Variants in ANO2 observed in about 807,000 individuals in gnomAD.
ANO2 encodes anoctamin 2.
A neutral mutation model predicts 124.2 loss-of-function variants in ANO2; 101 were observed. The observed-to-expected ratio is 0.81, with a 90% confidence interval of 0.69 to 0.96. The LOEUF (loss-of-function observed/expected upper bound fraction) is 0.96, where lower values mean the gene tolerates loss of function less well. Among genes scored for constraint, ANO2 ranks in the 40% least tolerant of loss-of-function variants. ANO2 has a pLI of 0.00. For missense variants in ANO2, 1,293 were observed against 1,274.5 expected, an observed-to-expected ratio of 1.01 and a Z score of -0.22; for synonymous variants, 486 against 482.5, an observed-to-expected ratio of 1.01 and a Z score of -0.09.
intron 15 of ANO2, among the ~76,000 whole-genome samples, chr12:5,642,660 C>T (rs1478056423): frequency 6.6e-6 from 1 of 152,162 alleles, no homozygotes; most frequent in Non-Finnish European, 1.5e-5. Flanking sequence ...TATGTCAGGT[C>T]ATGTCACTCC....
Position 5,635,064 on chromosome 12 carries a change from C to T in ANO2, c.1816+88G>A. 2 of 1,200,440 alleles carry T rather than the reference C, an allele frequency of 1.7e-6. No homozygotes were observed. The highest frequency in any genetic ancestry group is 2.6e-5 in the East Asian group (1 of 37,822). The allele number at this position is 1,200,440 out of a possible 1,614,324, so 74.4% of individuals were successfully genotyped here. A position where few individuals can be genotyped will look rare whatever the true frequency, so the allele number is the denominator to read the frequency against. ...ACTGTACAAAGCATCCTGTCCCTGTCCCATTTTTTTTATTTTATCACCAAA... is the reference window on the plus strand; with the variant it reads ...ACTGTACAAAGCATCCTGTCCCTGTTCCATTTTTTTTATTTTATCACCAAA... On this transcript the variant is annotated intron_variant, in intron 16 of 24. Coordinates refer to ENST00000682330, the MANE Select transcript of ANO2 (RefSeq NM_001364791.2). This position sits in a 1 kb window ranked among gnomAD's most constrained non-coding sequence, Gnocchi z 5.2.
chr12:5,938,799 T>C (rs1942764759), intron 1 of ANO2, among the ~76,000 whole-genome samples: 1 of 151,810 alleles, frequency 6.6e-6, no homozygotes. Context: ...CACTTCAGCC[T>C]GGGCGACAAG....
chr12:5,610,743 TGAAA>T (rs1944489499), intron 19 of ANO2, among the ~76,000 whole-genome samples: 19 of 137,982 alleles, frequency 1.4e-4, no homozygotes, highest in South Asian at 4.4e-4. Flanking sequence ...TATATATATA[TGAAA>T]ATAAATAACA....
Position 5,739,367 on chromosome 12 carries a change from G to A in ANO2, c.1384C>T (p.Gln462Ter), listed in dbSNP as rs753823981. ...TMFLENWKRL[Q>*]MRLGYFWDLT... is the part of the protein sequence containing the mutation. ...TCCCAAAAGTAGCCCAGTCGCATCT[G>A]TAGCCTCTTCCAGTTTTCCAGGAAC... Residue 462 changes from glutamine (Q) to a stop codon, truncating the protein, a stop_gained, in exon 13 of 25, where the codon CAG (glutamine) becomes TAG (stop). Coordinates refer to ENST00000682330, the MANE Select transcript of ANO2 (RefSeq NM_001364791.2). LOFTEE classifies it high-confidence loss of function. 7 of 1,607,318 alleles carry A rather than the reference G, an allele frequency of 4.4e-6. No homozygotes were observed. The highest frequency in any genetic ancestry group is 5.9e-6 in the Non-Finnish European group (7 of 1,177,076).
At chr12:5,628,380 G>A (rs923407416) in intron 16 of ANO2, among the ~76,000 whole-genome samples, 1 of 152,162 alleles carries the variant, frequency 6.6e-6, no homozygotes, top group Non-Finnish European at 1.5e-5. Context: ...AACCTTTGTG[G>A]TGTTTCCTGT....
chr12:5,647,748 G>A lies in ANO2; in HGVS notation c.1599C>T (p.Asn533=). 3 of 1,610,342 alleles carry A rather than the reference G, an allele frequency of 1.9e-6. No homozygotes were observed. Among genetic ancestry groups the A allele is most frequent in the Non-Finnish European group, 1.7e-6 (2 of 1,178,608 alleles). Residue 533 remains asparagine, a synonymous_variant, in exon 15 of 25, where the codon AAC becomes AAT. Transcript: ENST00000682330. ...WKDRFPGYLM[N]FASILFMIAL... is the part of the protein sequence containing the mutation. ...TTACCATGAATAAGATGGAGGCAAAGTTCATCAGGTAACCTGGGAAACGAT... is the reference window on the plus strand; with the variant it reads ...TTACCATGAATAAGATGGAGGCAAAATTCATCAGGTAACCTGGGAAACGAT...
At chr12:5,709,598 G>A (rs916869844) in intron 14 of ANO2, among the ~76,000 whole-genome samples, 1 of 152,194 alleles carries the variant, frequency 6.6e-6, no homozygotes, top group Non-Finnish European at 1.5e-5. Flanking sequence ...ACGGGAAGCA[G>A]GAATCTTCCT....
intron 13 of ANO2, among the ~76,000 whole-genome samples, chr12:5,733,914 T>C (rs1263356404): frequency 1.3e-5 from 2 of 152,266 alleles, no homozygotes; most frequent in Non-Finnish European, 2.9e-5. Flanking sequence ...CTGTTTTGCA[T>C]GTGAGAGTCT....
chr12:5,563,149 G>T lies in ANO2; in HGVS notation c.*150C>A. 2 of 1,044,614 alleles carry T rather than the reference G, an allele frequency of 1.9e-6. No homozygotes were observed. The highest frequency in any genetic ancestry group is 2.7e-6 in the Non-Finnish European group (2 of 743,280). 64.7% of individuals were successfully genotyped at this position (1,044,614 alleles called of 1,614,324 possible). ...TTCCTTCCTACACTCATTCTGTCAGGCTCTTTCTTTTTACACACTGCCCCC... is the reference window on the plus strand; with the variant it reads ...TTCCTTCCTACACTCATTCTGTCAGTCTCTTTCTTTTTACACACTGCCCCC... On this transcript the variant is annotated 3_prime_UTR_variant, in exon 25 of 25. Coordinates refer to ENST00000682330, the MANE Select transcript of ANO2 (RefSeq NM_001364791.2).
At chr12:5,780,347 C>T (rs1178314210) in intron 10 of ANO2, among the ~76,000 whole-genome samples, 1 of 152,118 alleles carries the variant, frequency 6.6e-6, no homozygotes, top group Admixed American at 6.5e-5. Flanking sequence ...CGAAATTTTG[C>T]ACCAACCTAA....
intron 3 of ANO2, among the ~76,000 whole-genome samples, chr12:5,856,893 G>A (rs561074949): frequency 6.6e-6 from 1 of 152,296 alleles, no homozygotes. Context: ...CTCCAGCAAA[G>A]CATGCATCTC....
chr12:5,887,759 C>A (rs1939038237), intron 3 of ANO2, among the ~76,000 whole-genome samples: 1 of 151,948 alleles, frequency 6.6e-6, no homozygotes, highest in African/African-American at 2.4e-5. Context: ...CAGCTCTGAG[C>A]TTTTTACAAG....
chr12:5,685,090 G>A (rs1171208110), intron 14 of ANO2, among the ~76,000 whole-genome samples: 1 of 152,206 alleles, frequency 6.6e-6, no homozygotes, highest in Non-Finnish European at 1.5e-5. Flanking sequence ...ATGTGACCCA[G>A]CAACATCCTA....
At chr12:5,912,337 CCAG>C (rs972906783) in intron 3 of ANO2, among the ~76,000 whole-genome samples, 24 of 152,186 alleles carry the variant, frequency 1.6e-4, no homozygotes, top group African/African-American at 5.8e-4. Flanking sequence ...ATTTCAAGGC[CCAG>C]CCCTGCTACT....
rs115213748 is a variant in ANO2, at chr12:5,803,698, G to A, written c.990+2354C>T. On this transcript the variant is annotated intron_variant, in intron 9 of 24. Coordinates refer to ENST00000682330, the MANE Select transcript of ANO2 (RefSeq NM_001364791.2). ...CCCCACGCTGCTCCCTCTTCCGGTT[G>A]TCCTGGCTTCTAGGAAGGCAGGAAT... is the stretch of plus-strand genomic sequence containing the variant. 5.3e-3 allele frequency among the ~76,000 whole-genome samples: 813 copies of A among 152,296 alleles called. 11 individuals are homozygous for A. The highest frequency in any genetic ancestry group is 0.019 in the African/African-American group (781 of 41,576).
chr12:5,819,738 C>T (rs915157868), intron 7 of ANO2, among the ~76,000 whole-genome samples: 1 of 152,158 alleles, frequency 6.6e-6, no homozygotes, highest in African/African-American at 2.4e-5. Flanking sequence ...CTTTGAAGGG[C>T]CCTATAATCA....
At chr12:5,571,707 C>A (rs1942133128) in intron 23 of ANO2, among the ~76,000 whole-genome samples, 1 of 152,160 alleles carries the variant, frequency 6.6e-6, no homozygotes, top group Non-Finnish European at 1.5e-5. Flanking sequence ...TTTCTTCTCT[C>A]TCTCTCTCTC....
chr12:5,638,237 C>CTTTTT lies in ANO2; in HGVS notation c.1621-2895_1621-2891dup, dbSNP rs35224024. Among the ~76,000 whole-genome samples the CTTTTT allele has an allele frequency of 6.2e-4, 77 of 124,856 alleles. 16 individuals are homozygous for CTTTTT. Among genetic ancestry groups the CTTTTT allele is most frequent in the East Asian group, 1.6e-3 (6 of 3,658 alleles). The allele number at this position is 124,856 out of a possible 152,430, so 81.9% of individuals were successfully genotyped here. On this transcript the variant is annotated intron_variant, in intron 15 of 24. Transcript: ENST00000682330. ...ATCTTCACTAGCACTGTTTCTTTTC[C>CTTTTT]TTTTTTTTTTTTTTTTGAGACGGAG...
At chr12:5,722,672 G>A (rs1026862828) in intron 14 of ANO2, among the ~76,000 whole-genome samples, 17 of 152,206 alleles carry the variant, frequency 1.1e-4, no homozygotes, top group Admixed American at 8.5e-4. Context: ...GGGGTGTCTC[G>A]GGTTATTGGG....
Sources: allele counts gnomAD v4.1 joint callset (sites outside exome capture counted in the v4.1 genomes callset), GRCh38; gene constraint gnomAD v4.1.1; non-coding constraint Gnocchi (gnomAD v3.1); transcripts MANE v1.5; gene names NCBI Gene and HGNC (gene_info 2026-07-23, HGNC 2026-07-21).